NSUN6: variants seen among roughly 807,000 people sequenced by gnomAD.
The protein encoded by NSUN6 is tRNA (cytosine(72)-C(5))-methyltransferase NSUN6.
NSUN6 carries 64 observed loss-of-function variants against 58.0 expected under a neutral mutation model. The observed-to-expected ratio is 1.10, with a 90% CI of 0.90 to 1.36. The LOEUF (loss-of-function observed/expected upper bound fraction) is 1.36, where lower values mean the gene tolerates loss of function less well. Among genes scored for constraint, NSUN6 ranks in the 40% most tolerant of loss-of-function variants. The probability of loss-of-function intolerance (pLI) is 0.00; values close to 1 mark genes in which losing one functional copy is unlikely to be tolerated. For synonymous variants in NSUN6, 231 were observed against 193.9 expected (o/e 1.19, Z -1.59); for missense variants, 701 against 550.1 (o/e 1.27, Z -2.74).
chr10:18,621,238 C>T (rs2058595371), intron 3 of NSUN6, among the ~76,000 whole-genome samples: 1 of 152,190 alleles, frequency 6.6e-6, no homozygotes, highest in African/African-American at 2.4e-5. Context: ...GTGGTCACAG[C>T]TCAGCACTGG....
chr10:18,622,715 G>T (rs2058656154), intron 3 of NSUN6, among the ~76,000 whole-genome samples: 2 of 152,144 alleles, frequency 1.3e-5, no homozygotes, highest in African/African-American at 2.4e-5. Flanking sequence ...GCCTTGGGGG[G>T]AAAAAGATGG....
chr10:18,555,828 GAAATGGAATGGAGAA>G (rs1326693488), intron 8 of NSUN6, among the ~76,000 whole-genome samples: 3 of 148,938 alleles, frequency 2.0e-5, no homozygotes, highest in East Asian at 2.1e-4. Context: ...AAAGTGGAAT[GAAATGGAATGGAGAA>G]AAATGGAATG....
intron 8 of NSUN6, among the ~76,000 whole-genome samples, chr10:18,580,785 G>A (rs1373178844): frequency 6.6e-6 from 1 of 152,172 alleles, no homozygotes; most frequent in Non-Finnish European, 1.5e-5. Flanking sequence ...GAGTTCTGAA[G>A]CTCTCCCCAA....
chr10:18,613,199 C>T (rs1028380077), intron 5 of NSUN6, among the ~76,000 whole-genome samples: 1 of 152,050 alleles, frequency 6.6e-6, no homozygotes, highest in African/African-American at 2.4e-5. Flanking sequence ...CGGGTTCAAG[C>T]GATTCTCCTG....
At chr10:18,652,567 C>CTA, upstream of NSUN6, 2 of 956,170 alleles carry the variant, frequency 2.1e-6, no homozygotes, top group Non-Finnish European at 2.5e-6. Flanking sequence ...ATTTTCTCTG[C>CTA]TCTTTTTTTT....
At chr10:18,570,105 A>C (rs1435009170) in intron 8 of NSUN6, among the ~76,000 whole-genome samples, 1 of 144,028 alleles carries the variant, frequency 6.9e-6, no homozygotes. Flanking sequence ...ATTCTATTCT[A>C]TTCCATTCTC....
At chr10:18,616,687 G>T (rs2058422509) in intron 3 of NSUN6, among the ~76,000 whole-genome samples, 2 of 152,154 alleles carry the variant, frequency 1.3e-5, no homozygotes, top group African/African-American at 4.8e-5. Context: ...GGTAAATTAT[G>T]AATAATTTAA....
chr10:18,579,465 C>T (rs559282598), intron 8 of NSUN6, among the ~76,000 whole-genome samples: 30 of 152,208 alleles, frequency 2.0e-4, no homozygotes, highest in African/African-American at 6.3e-4. Context: ...CCACGTCGCC[C>T]GGCCTCATAT....
chr10:18,609,365 C>G (rs888506106), intron 6 of NSUN6, among the ~76,000 whole-genome samples: 1 of 151,968 alleles, frequency 6.6e-6, no homozygotes, highest in African/African-American at 2.4e-5. Flanking sequence ...GGGCAGCACA[C>G]AACATTTGGA....
In NSUN6 at chr10:18,642,533, G is replaced by T; in HGVS notation, c.254C>A (p.Pro85His). The stretch of plus-strand genomic sequence containing the variant: ...TTGAAGGTCTGGATGTTGAAGAATA[G>T]GAACACTTAATCCATTAAACTGCTG... ...LQKQFNGLSV[P>H]ILQHPDLQDV... is the part of the protein sequence containing the mutation. Residue 85 changes from proline (P) to histidine (H), a missense_variant, in exon 3 of 11, where the codon CCT (proline) becomes CAT (histidine). Transcript: ENST00000377304. The T allele has an allele frequency of 6.5e-7, 1 of 1,534,486 alleles. No individual in the cohort carries two copies. The highest frequency in any genetic ancestry group is 9.0e-7 in the Non-Finnish European group (1 of 1,108,544).
chr10:18,582,568 A>G (rs535748171), intron 8 of NSUN6, among the ~76,000 whole-genome samples: 1 of 152,350 alleles, frequency 6.6e-6, no homozygotes, highest in Non-Finnish European at 1.5e-5. Flanking sequence ...CTATTCAGAA[A>G]GATTACCTAT....
chr10:18,628,650 T>C (rs1396997813), intron 3 of NSUN6, among the ~76,000 whole-genome samples: 1 of 152,002 alleles, frequency 6.6e-6, no homozygotes, highest in Non-Finnish European at 1.5e-5. Context: ...GAAGAAAGGG[T>C]ATCAGCGATG....
At chr10:18,612,148 G>T (rs542169563) in intron 5 of NSUN6, among the ~76,000 whole-genome samples, 1 of 152,194 alleles carries the variant, frequency 6.6e-6, no homozygotes, top group East Asian at 1.9e-4. Context: ...GGCTGGGTGT[G>T]GCGTCTCATC....
At position 18,651,209 on chromosome 10, in the gene NSUN6, CTGT is replaced by C. The variant is rs1452880541; in HGVS notation, c.-9_-7del. The C allele has an allele frequency of 3.9e-6, 6 of 1,553,642 alleles. No homozygotes were observed. The highest frequency in any genetic ancestry group is 1.7e-4 in the Middle Eastern group (1 of 5,858). On this transcript the variant is annotated 5_prime_UTR_variant, in exon 1 of 11. Coordinates refer to ENST00000377304, the MANE Select transcript of NSUN6 (RefSeq NM_182543.5). ...ATCTTAGGGAAAATAGACATTTTTCCTGTTGTTTAGTTCTCCACCAAGAGAAAT... is the reference window on the plus strand; with the variant it reads ...ATCTTAGGGAAAATAGACATTTTTCCTGTTTAGTTCTCCACCAAGAGAAAT...
At position 18,632,079 on chromosome 10, in the gene NSUN6, A is replaced by G. The variant is rs2059051139; in HGVS notation, c.311+10397T>C. 1.3e-5 allele frequency among the ~76,000 whole-genome samples: 2 copies of G among 150,666 alleles called. 1 individual carries two copies. Among genetic ancestry groups the G allele is most frequent in the South Asian group, 4.2e-4 (2 of 4,780 alleles). ...GAGATATAGATCAATGGAACAGAACAGAGCCCTCAGAAATAATGCCGCATA... is the reference window on the plus strand; with the variant it reads ...GAGATATAGATCAATGGAACAGAACGGAGCCCTCAGAAATAATGCCGCATA... On this transcript the variant is annotated intron_variant, in intron 3 of 10. Coordinates refer to ENST00000377304, the MANE Select transcript of NSUN6 (RefSeq NM_182543.5).
At chr10:18,566,158 CATTCCATTCTCCATTCCATTCT>C (rs2055919032) in intron 8 of NSUN6, among the ~76,000 whole-genome samples, 3 of 146,846 alleles carry the variant, frequency 2.0e-5, no homozygotes, top group South Asian at 4.2e-4. Flanking sequence ...TTCTCCATTC[CATTCCATTCTCCATTCCATTCT>C]ATTCCATTCT....
At chr10:18,644,557 C>T (rs929004603) in intron 2 of NSUN6, among the ~76,000 whole-genome samples, 1 of 150,496 alleles carries the variant, frequency 6.6e-6, no homozygotes, top group African/African-American at 2.4e-5. Context: ...AAAATGTTGG[C>T]CGGGCGCAGT....
chr10:18,565,057 GCTCCATTCCATTCCTTTCCATT>G (rs1213458892), intron 8 of NSUN6, among the ~76,000 whole-genome samples: 1 of 138,752 alleles, frequency 7.2e-6, no homozygotes, highest in African/African-American at 2.7e-5. Context: ...TGCTTTCCAT[GCTCCATTCCATTCCTTTCCATT>G]CTCCATTACA....
intron 9 of NSUN6, among the ~76,000 whole-genome samples, chr10:18,551,455 T>C (rs2054600257): frequency 6.6e-6 from 1 of 152,086 alleles, no homozygotes; most frequent in Non-Finnish European, 1.5e-5. Flanking sequence ...AGCTCCTCAA[T>C]CTCCCAGCCC....
Sources: gnomAD v4.1 joint callset for allele counts (sites outside exome capture counted in the v4.1 genomes callset) on GRCh38, gnomAD v4.1.1 for gene constraint, MANE v1.5 for transcripts, NCBI Gene and HGNC (gene_info 2026-07-23, HGNC 2026-07-21) for gene names.